The following FBXW10 variants were observed in gnomAD, a reference collection of about 807,000 sequenced individuals.
The protein encoded by FBXW10 is F-box/WD repeat-containing protein 10.
A neutral mutation model predicts 113.1 loss-of-function variants in FBXW10; 68 were observed. The observed-to-expected ratio is 0.60, with a 90% CI of 0.49 to 0.74. The LOEUF (loss-of-function observed/expected upper bound fraction) is 0.74, where lower values mean the gene tolerates loss of function less well. Ranked by LOEUF, FBXW10 falls within the 30% of genes least tolerant of loss-of-function variation. FBXW10 has a pLI of 0.00. For synonymous variants in FBXW10, 289 were observed against 481.6 expected (o/e 0.60, Z 5.24); for missense variants, 753 against 1,284.5 (o/e 0.59, Z 6.32).
chr17:18,745,555 A>G (rs1482797453), intron 1 of FBXW10, among the ~76,000 whole-genome samples: 2 of 152,034 alleles, frequency 1.3e-5, no homozygotes, highest in Non-Finnish European at 2.9e-5. Context: ...AGCTGGGACT[A>G]CAGGTGCGTG....
chr17:18,755,445 C>T (rs2035242618), intron 5 of FBXW10, among the ~76,000 whole-genome samples: 2 of 152,032 alleles, frequency 1.3e-5, no homozygotes, highest in South Asian at 4.1e-4. Flanking sequence ...GTCCCAGTTA[C>T]TCTGGAGGCT....
chr17:18,773,522 G>T (rs1296942010), intron 12 of FBXW10, among the ~76,000 whole-genome samples: 5 of 152,178 alleles, frequency 3.3e-5, no homozygotes, highest in African/African-American at 1.2e-4. Flanking sequence ...AGGTGGGGGT[G>T]CAGGCATGGC....
chr17:18,778,369 G>T, intron 13 of FBXW10, 106 bp from the exon 14 acceptor site: 1 of 1,389,664 alleles, frequency 7.2e-7, no homozygotes. Context: ...GGGCAACAAA[G>T]ACCTCAATGT....
intron 11 of FBXW10, among the ~76,000 whole-genome samples, chr17:18,770,456 G>A (rs1340528135): frequency 2.6e-5 from 4 of 151,966 alleles, no homozygotes; most frequent in Non-Finnish European, 4.4e-5. Flanking sequence ...GCGCCCACCA[G>A]TATGCCCGGC....
At chr17:18,768,055 T>C (rs112401670) in intron 9 of FBXW10, among the ~76,000 whole-genome samples, 1,238 of 68,584 alleles carry the variant, frequency 0.018, 11 homozygotes, top group Non-Finnish European at 0.031. Flanking sequence ...TCCTTCCTTC[T>C]TTCTTTCTTT....
chr17:18,756,100 T>A lies in FBXW10; in HGVS notation c.1178T>A (p.Ile393Lys). 6.2e-7 allele frequency: 1 copy of A among 1,613,998 alleles called. No homozygotes were observed. Among genetic ancestry groups the A allele is most frequent in the Non-Finnish European group, 8.5e-7 (1 of 1,179,860 alleles). The change falls in exon 6 of 14, where the codon ATA (isoleucine) becomes AAA (lysine). Residue 393 changes from isoleucine to lysine, a missense_variant. By Grantham distance (102) the Ile-to-Lys change is moderately radical. Transcript: ENST00000395665. ...YQNEETQQVLIEERNVFCGTY... is the reference protein window; with the variant it reads ...YQNEETQQVLKEERNVFCGTY... The stretch of plus-strand genomic sequence containing the variant: ...AACGAGGAAACGCAGCAGGTCCTGA[T>A]AGAGGAGAGAAATGTTTTCTGTGGG...
Position 18,766,826 on chromosome 17 carries a change from G to C in FBXW10, c.1668G>C (p.Val556=). ...YIVSSCERGL[V]KVWHIAMAQL... ...TGAGCAGCTGTGAGCGAGGGCTGGT[G>C]AAAGTGTGGCACATTGCCATGGCCC... Residue 556 remains valine, a synonymous_variant, in exon 9 of 14, where the codon GTG becomes GTC. Transcript: ENST00000395665. 6.2e-7 allele frequency: 1 copy of C among 1,611,334 alleles called. No individual in the cohort carries two copies.
At chr17:18,763,949 A>G (rs1277256215) in intron 7 of FBXW10, among the ~76,000 whole-genome samples, 1 of 145,278 alleles carries the variant, frequency 6.9e-6, no homozygotes, top group African/African-American at 2.6e-5. Context: ...GGGTTTCTCA[A>G]CCTTGGCACT....
chr17:18,748,786 G>C (rs1257372867), intron 2 of FBXW10, among the ~76,000 whole-genome samples: 1 of 152,172 alleles, frequency 6.6e-6, no homozygotes. Flanking sequence ...GCTCTGGCAT[G>C]GTGGCCAGCT....
Position 18,744,753 on chromosome 17 carries a change from A to G in FBXW10, c.505+4A>G. On this transcript the variant is annotated splice_donor_region_variant and intron_variant, in intron 1 of 13. Coordinates refer to ENST00000395665, the MANE Select transcript of FBXW10 (RefSeq NM_001267585.2). ...AGAGAGGAGAACAATATCTCAGGTA[A>G]ACAAGGCCACAGGCAGAGACTAGAG... The G allele has an allele frequency of 4.3e-6, 7 of 1,612,426 alleles. 1 individual carries two copies. In the East Asian group the frequency reaches 1.6e-4, roughly 36 times the overall value.
At chr17:18,753,952 T>C (rs1265034649) in intron 5 of FBXW10, among the ~76,000 whole-genome samples, 11 of 151,776 alleles carry the variant, frequency 7.2e-5, no homozygotes, top group East Asian at 3.9e-4. Context: ...ACACATGAAA[T>C]AGCAAGACTA....
chr17:18,768,382 G>A lies in FBXW10; in HGVS notation c.1705-152G>A, dbSNP rs555225559. ...CACCCGGCCTCCATCGGCCTTCTTA[G>A]AGCAAAAGCAGGATTAGCTCAGGTA... On this transcript the variant is annotated intron_variant, in intron 9 of 13. Transcript: ENST00000395665. The A allele has an allele frequency of 2.3e-5, 25 of 1,104,490 alleles. No homozygotes were observed. In the African/African-American group the frequency reaches 3.5e-4, roughly 15 times the overall value. The allele number at this position is 1,104,490 out of a possible 1,614,324, so 68.4% of individuals were successfully genotyped here.
intron 5 of FBXW10, 70 bp from the exon 6 acceptor site, chr17:18,755,975 C>G: frequency 2.7e-6 from 4 of 1,471,124 alleles, no homozygotes; most frequent in Non-Finnish European, 2.8e-6. Flanking sequence ...CCAGGGAGAC[C>G]CTAGGGGCTC....
intron 5 of FBXW10, among the ~76,000 whole-genome samples, chr17:18,753,467 C>A (rs542264617): frequency 6.6e-6 from 1 of 152,136 alleles, no homozygotes; most frequent in Admixed American, 6.5e-5. Context: ...TAAGAGAGTG[C>A]GGCTTCTAAT....
chr17:18,762,582 A>G (rs1299390041), intron 7 of FBXW10, among the ~76,000 whole-genome samples: 2 of 151,918 alleles, frequency 1.3e-5, no homozygotes, highest in Non-Finnish European at 2.9e-5. Flanking sequence ...TCGGCCTACC[A>G]AAGTGCTGGA....
chr17:18,746,878 C>T (rs916093947), intron 1 of FBXW10, among the ~76,000 whole-genome samples: 44 of 151,838 alleles, frequency 2.9e-4, no homozygotes, highest in African/African-American at 9.7e-4. Flanking sequence ...GCTATTTACA[C>T]TGGAGTTGTG....
chr17:18,767,819 C>T (rs955120918), intron 9 of FBXW10, among the ~76,000 whole-genome samples: 41 of 152,028 alleles, frequency 2.7e-4, no homozygotes, highest in Non-Finnish European at 2.5e-4. Context: ...CACACCTTAC[C>T]TTCGTCCTTC....
At position 18,750,111 on chromosome 17, in the gene FBXW10, A is replaced by T. The variant is rs771417449; in HGVS notation, c.973A>T (p.Ile325Phe). The T allele has an allele frequency of 3.7e-6, 6 of 1,610,000 alleles. No individual in the cohort carries two copies. Among genetic ancestry groups the T allele is most frequent in the South Asian group, 2.2e-5 (2 of 90,838 alleles). Residue 325 changes from isoleucine to phenylalanine, a missense_variant, in exon 4 of 14, where the codon ATT becomes TTT. By Grantham distance (21) the Ile-to-Phe change is conservative (BLOSUM62 0). Coordinates refer to ENST00000395665, the MANE Select transcript of FBXW10 (RefSeq NM_001267585.2). ...GATGGACTTGTCAGCGCACGGCTTC[A>T]TTCAGAACCAGATTACCTTCTTGCA... is the stretch of plus-strand genomic sequence containing the variant. ...VKMDLSAHGF[I>F]QNQITFLQGS...
rs1170251083 is a variant in FBXW10, at chr17:18,766,845, A to G, written c.1687A>G (p.Met563Val). ...RGLVKVWHIA[M>V]AQLVKTLSGH... ...GCTGGTGAAAGTGTGGCACATTGCC[A>G]TGGCCCAGTTGGTAAAGGTAAGTGG... The change falls in exon 9 of 14, where the codon ATG becomes GTG. Residue 563 changes from methionine to valine, a missense_variant. Coordinates refer to ENST00000395665, the MANE Select transcript of FBXW10 (RefSeq NM_001267585.2). 23 of 1,604,116 alleles carry G rather than the reference A, an allele frequency of 1.4e-5. No homozygotes were observed. The highest frequency in any genetic ancestry group is 1.9e-5 in the Non-Finnish European group (22 of 1,172,854).
Sources: allele counts gnomAD v4.1 joint callset (sites outside exome capture counted in the v4.1 genomes callset), GRCh38; gene constraint gnomAD v4.1.1; transcripts MANE v1.5; gene names NCBI Gene and HGNC (gene_info 2026-07-23, HGNC 2026-07-21).